The following ATXN8OS variants were observed in gnomAD, a reference collection of about 807,000 sequenced individuals.
The protein encoded by ATXN8OS is ATXN8 opposite strand (non-protein coding).
intron 4 of ATXN8OS, among the ~76,000 whole-genome samples, chr13:70,153,128 G>T (rs917909591): frequency 7.3e-5 from 11 of 151,678 alleles, no homozygotes; most frequent in Admixed American, 7.2e-4. Flanking sequence ...TACATTTTAT[G>T]ACAATATTTA....
chr13:70,164,099 G>T lies in ATXN8OS; in HGVS notation n.574-5654G>T, dbSNP rs943218925. Among the ~76,000 whole-genome samples, 7 of 142,660 alleles carry T rather than the reference G, an allele frequency of 4.9e-5. No individual in the cohort carries two copies. The South Asian group carries it at 1.3e-3, about 27-fold the overall frequency. 93.6% of individuals were successfully genotyped at this position (142,660 alleles called of 152,430 possible). ...TTATTATTATTATTATTATTATCCT[G>T]TTTCCAAAACCTGGGAACAGGATAA... On this transcript the variant is annotated intron_variant and non_coding_transcript_variant, in intron 4 of 4. Coordinates refer to ENST00000678624, the Ensembl canonical transcript of ATXN8OS.
chr13:70,119,412 G>T (rs2137473951), intron 2 of ATXN8OS, among the ~76,000 whole-genome samples: 1 of 152,116 alleles, frequency 6.6e-6, no homozygotes, highest in East Asian at 1.9e-4. Context: ...TCTCTTATAA[G>T]ATTGTCTTTC....
At chr13:70,124,423 A>G (rs1888400354) in intron 2 of ATXN8OS, among the ~76,000 whole-genome samples, 2 of 152,110 alleles carry the variant, frequency 1.3e-5, no homozygotes, top group South Asian at 2.1e-4. Context: ...ATTAGATACT[A>G]TGGTTAGAGA....
At chr13:70,133,344 T>C (rs1323043833) in intron 3 of ATXN8OS, among the ~76,000 whole-genome samples, 1 of 152,128 alleles carries the variant, frequency 6.6e-6, no homozygotes, top group African/African-American at 2.4e-5. Flanking sequence ...TTCTTGAACC[T>C]AGGAGTTCAA....
chr13:70,159,179 TTCTCTCTC>T (rs146118015), intron 4 of ATXN8OS, among the ~76,000 whole-genome samples: 1 of 26,596 alleles, frequency 3.8e-5, no homozygotes, highest in South Asian at 2.0e-3. Context: ...ACCACTTCCA[TTCTCTCTC>T]TCTCTCTCTC....
At chr13:70,119,353 A>C (rs567541553) in intron 2 of ATXN8OS, among the ~76,000 whole-genome samples, 2 of 152,240 alleles carry the variant, frequency 1.3e-5, no homozygotes, top group South Asian at 4.1e-4. Flanking sequence ...GAGAGTTATA[A>C]AATTTTAATT....
At chr13:70,113,785 T>C (rs1216332543) in intron 1 of ATXN8OS, among the ~76,000 whole-genome samples, 1 of 152,216 alleles carries the variant, frequency 6.6e-6, no homozygotes, top group Non-Finnish European at 1.5e-5. Context: ...TGCCAAAACT[T>C]TATATTTTCA....
intron 2 of ATXN8OS, among the ~76,000 whole-genome samples, chr13:70,123,541 G>A (rs536134472): frequency 9.2e-5 from 14 of 152,066 alleles, no homozygotes; most frequent in Non-Finnish European, 1.6e-4. Flanking sequence ...GTGAAGGCTT[G>A]TACCACTGTA....
At chr13:70,148,178 T>C (rs1163815463) in intron 4 of ATXN8OS, among the ~76,000 whole-genome samples, 1 of 152,138 alleles carries the variant, frequency 6.6e-6, no homozygotes, top group Non-Finnish European at 1.5e-5. Flanking sequence ...AGACTCTTAT[T>C]GAAATCTTTT....
chr13:70,144,595 A>G (rs551797081), intron 3 of ATXN8OS, among the ~76,000 whole-genome samples: 1 of 152,218 alleles, frequency 6.6e-6, no homozygotes, highest in East Asian at 1.9e-4. Context: ...TTTTTAGATA[A>G]CAGTCCTTTA....
intron 3 of ATXN8OS, among the ~76,000 whole-genome samples, chr13:70,144,130 T>G (rs1469473970): frequency 6.6e-6 from 1 of 152,086 alleles, no homozygotes; most frequent in African/African-American, 2.4e-5. Context: ...ATTTTAATAT[T>G]TTTAGTTTTC....
intron 2 of ATXN8OS, among the ~76,000 whole-genome samples, chr13:70,126,662 C>T (rs1888441846): frequency 1.3e-5 from 2 of 150,824 alleles, no homozygotes; most frequent in South Asian, 2.1e-4. Flanking sequence ...TATCTATAGG[C>T]AGATAGCTAT....
chr13:70,153,228 C>T (rs1047482983), intron 4 of ATXN8OS, among the ~76,000 whole-genome samples: 10 of 152,246 alleles, frequency 6.6e-5, no homozygotes, highest in Admixed American at 5.9e-4. Flanking sequence ...TAATGTAATA[C>T]AATTTTTTGG....
intron 2 of ATXN8OS, among the ~76,000 whole-genome samples, chr13:70,115,932 T>C (rs890106167): frequency 1.3e-5 from 2 of 152,080 alleles, no homozygotes; most frequent in Non-Finnish European, 2.9e-5. Context: ...GTATATTCAG[T>C]TTATCAAACA....
At chr13:70,141,358 C>A (rs1176238287) in intron 3 of ATXN8OS, among the ~76,000 whole-genome samples, 2 of 152,196 alleles carry the variant, frequency 1.3e-5, no homozygotes, top group East Asian at 1.9e-4. Flanking sequence ...CTGCATGTGG[C>A]AACCCCTACA....
chr13:70,118,413 A>G (rs1888311809), intron 2 of ATXN8OS, among the ~76,000 whole-genome samples: 1 of 152,082 alleles, frequency 6.6e-6, no homozygotes. Flanking sequence ...ATTTATGGAT[A>G]TTATCTACCA....
At chr13:70,107,454 C>T (rs1259294910), upstream of ATXN8OS, 2 of 1,613,996 alleles carry the variant, frequency 1.2e-6, no homozygotes, top group Middle Eastern at 1.6e-4. Context: ...AGGAAGAGGA[C>T]GGGGAGGACG....
chr13:70,112,792 T>C (rs1218220595), intron 1 of ATXN8OS, among the ~76,000 whole-genome samples: 1 of 151,982 alleles, frequency 6.6e-6, no homozygotes, highest in African/African-American at 2.4e-5. Context: ...CAGGTTTTAT[T>C]TGTGTGTCTT....
At chr13:70,120,985 T>C (rs193096393) in intron 2 of ATXN8OS, among the ~76,000 whole-genome samples, 50 of 152,108 alleles carry the variant, frequency 3.3e-4, no homozygotes, top group Middle Eastern at 3.4e-3. Context: ...GACAAGTTTC[T>C]GGGTGCAGCA....
Sources: allele counts gnomAD v4.1 joint callset (sites outside exome capture counted in the v4.1 genomes callset), GRCh38; gene constraint gnomAD v4.1.1; transcripts MANE v1.5; gene names NCBI Gene and HGNC (gene_info 2026-07-23, HGNC 2026-07-21).